Variants in SLC35F3 observed in about 807,000 individuals in gnomAD.
SLC35F3 encodes putative thiamine transporter SLC35F3.
A neutral mutation model predicts 49.9 loss-of-function variants in SLC35F3; 25 were observed. That is an observed-to-expected ratio of 0.50 (90% CI 0.37 to 0.70). The LOEUF is 0.70. SLC35F3 is among the 30% of genes least tolerant of loss of function. The pLI, the probability that SLC35F3 is intolerant of heterozygous loss-of-function variation, is 0.00. For synonymous variants in SLC35F3, 275 were observed against 265.4 expected (o/e 1.04, Z -0.35); for missense variants, 525 against 639.8 (o/e 0.82, Z 1.94).
intron 2 of SLC35F3, among the ~76,000 whole-genome samples, chr1:233,998,753 A>T (rs1263724110): frequency 6.6e-6 from 1 of 152,190 alleles, no homozygotes; most frequent in Non-Finnish European, 1.5e-5. Context: ...AAATAGCCAC[A>T]TGTGGCTTGT....
At chr1:234,032,227 A>G (rs1664074690) in intron 2 of SLC35F3, among the ~76,000 whole-genome samples, 1 of 152,054 alleles carries the variant, frequency 6.6e-6, no homozygotes, top group African/African-American at 2.4e-5. Flanking sequence ...CAGTTCATTT[A>G]TATCATTATT....
At chr1:233,963,482 T>C (rs1326777959) in intron 2 of SLC35F3, among the ~76,000 whole-genome samples, 2 of 152,026 alleles carry the variant, frequency 1.3e-5, no homozygotes, top group Non-Finnish European at 2.9e-5. Flanking sequence ...TTTGTATTTT[T>C]AGTAGAGATG....
chr1:233,993,048 T>C (rs1663390861), intron 2 of SLC35F3, among the ~76,000 whole-genome samples: 1 of 152,202 alleles, frequency 6.6e-6, no homozygotes, highest in African/African-American at 2.4e-5. Context: ...ATGCTCCCTT[T>C]GCTCTTCATG....
rs563649412 is a variant in SLC35F3 at position 234,039,961 on chromosome 1, C to T, written c.283+134203C>T. On this transcript the variant is annotated intron_variant, in intron 2 of 7. Coordinates refer to ENST00000366618, the MANE Select transcript of SLC35F3 (RefSeq NM_173508.4). ...ATCACATGGGGTGGCTGCCCTCCAC[C>T]AGTGAGGGCAAAGGACCAGTTTGAC... Among the ~76,000 whole-genome samples the T allele has an allele frequency of 4.0e-5, 6 of 151,550 alleles. No individual in the cohort carries two copies. In the East Asian group the frequency reaches 1.2e-3, roughly 29 times the overall value.
At chr1:233,938,929 G>A (rs530727482) in intron 2 of SLC35F3, among the ~76,000 whole-genome samples, 1 of 152,282 alleles carries the variant, frequency 6.6e-6, no homozygotes, top group Non-Finnish European at 1.5e-5. Context: ...GGACTAAAAA[G>A]CATCCGTTCG....
intron 2 of SLC35F3, among the ~76,000 whole-genome samples, chr1:233,947,622 A>T (rs1414619108): frequency 6.6e-6 from 1 of 150,796 alleles, no homozygotes; most frequent in African/African-American, 2.4e-5. Flanking sequence ...AATTATCTAA[A>T]AAACAGGGCT....
At chr1:233,920,572 C>A (rs532314073) in intron 2 of SLC35F3, among the ~76,000 whole-genome samples, 7 of 152,320 alleles carry the variant, frequency 4.6e-5, no homozygotes, top group Admixed American at 6.5e-5. Context: ...CCAGGTACCC[C>A]CTCTGGTGTT....
rs565744060 is a variant in SLC35F3, at chr1:233,956,680, A to G, written c.283+50922A>G. On this transcript the variant is annotated intron_variant, in intron 2 of 7. Coordinates refer to ENST00000366618, the MANE Select transcript of SLC35F3 (RefSeq NM_173508.4). ...GCCTTTTGAATGGCTGATGAAGTGT[A>G]CCTTTTCCATGGAAGGCAACTGGGC... Among the ~76,000 whole-genome samples, 24 of 152,268 alleles carry G rather than the reference A, an allele frequency of 1.6e-4. No homozygotes were observed. The South Asian group carries it at 5.0e-3, about 32-fold the overall frequency.
In SLC35F3 at chr1:234,141,168, T is replaced by C. The variant is rs138344681; in HGVS notation, c.284-90249T>C. On this transcript the variant is annotated intron_variant, in intron 2 of 7. Transcript: ENST00000366618. ...GATGGTGTCCTCCCTGGCATTTTTA[T>C]TGGGTAATATATTACCATAAGAAGG... is the stretch of plus-strand genomic sequence containing the variant. Among the ~76,000 whole-genome samples, 34 of 152,316 alleles carry C rather than the reference T, an allele frequency of 2.2e-4. No individual in the cohort carries two copies. In the East Asian group the frequency reaches 5.2e-3, roughly 23 times the overall value.
At chr1:233,973,758 A>G (rs1049556857) in intron 2 of SLC35F3, among the ~76,000 whole-genome samples, 5 of 152,258 alleles carry the variant, frequency 3.3e-5, no homozygotes, top group African/African-American at 1.2e-4. Flanking sequence ...GAGATAGAGC[A>G]GCTTAACCTT....
intron 3 of SLC35F3, among the ~76,000 whole-genome samples, chr1:234,281,026 G>T (rs1668316763): frequency 6.6e-6 from 1 of 152,134 alleles, no homozygotes; most frequent in Admixed American, 6.6e-5. Flanking sequence ...GTCAGCCAAG[G>T]GCATGCCTTC....
intron 2 of SLC35F3, among the ~76,000 whole-genome samples, chr1:234,060,612 A>G (rs1664525972): frequency 6.6e-6 from 1 of 151,920 alleles, no homozygotes; most frequent in African/African-American, 2.4e-5. Context: ...ATGCCTGGCT[A>G]ATTTTTTATG....
At chr1:234,116,417 A>C (rs911165046) in intron 2 of SLC35F3, among the ~76,000 whole-genome samples, 1 of 152,200 alleles carries the variant, frequency 6.6e-6, no homozygotes. Flanking sequence ...CCACAGGGCT[A>C]TGTTATTATC....
At chr1:234,077,582 G>T (rs1431325610) in intron 2 of SLC35F3, among the ~76,000 whole-genome samples, 1 of 152,200 alleles carries the variant, frequency 6.6e-6, no homozygotes, top group South Asian at 2.1e-4. Flanking sequence ...TACAATTCAA[G>T]ATAAGATTTG....
chr1:234,080,849 C>A (rs758521223), intron 2 of SLC35F3, among the ~76,000 whole-genome samples: 1 of 152,124 alleles, frequency 6.6e-6, no homozygotes, highest in Admixed American at 6.5e-5. Flanking sequence ...GATGAGTATA[C>A]CACATCATGA....
In SLC35F3 at chr1:234,231,731, C is replaced by G; in HGVS notation, c.598C>G (p.Gln200Glu). The change falls in exon 3 of 8, where the codon CAG becomes GAG. Residue 200 changes from glutamine (Q) to glutamate (E), a missense_variant. Transcript: ENST00000366618. This position sits in a 1 kb window ranked among gnomAD's most constrained non-coding sequence, Gnocchi z 5.4. ...CKSTEKQSVKQRYRECCRFFG... is the reference protein window; with the variant it reads ...CKSTEKQSVKERYRECCRFFG... ...GTCCACAGAGAAGCAGTCTGTGAAGCAGCGATACAGGTAGGCGCGTCCTGC... is the reference window on the plus strand; with the variant it reads ...GTCCACAGAGAAGCAGTCTGTGAAGGAGCGATACAGGTAGGCGCGTCCTGC... The G allele has an allele frequency of 6.2e-7, 1 of 1,607,780 alleles. No individual in the cohort carries two copies. Among genetic ancestry groups the G allele is most frequent in the Non-Finnish European group, 8.5e-7 (1 of 1,175,948 alleles).
At chr1:233,976,692 C>T (rs112646576) in intron 2 of SLC35F3, among the ~76,000 whole-genome samples, 33,841 of 151,878 alleles carry the variant, frequency 0.22, 5,783 homozygotes, top group African/African-American at 0.48. Flanking sequence ...CTCACTGCAA[C>T]CTCTGACTCC....
chr1:234,314,201 C>T (rs1657428746), intron 4 of SLC35F3, among the ~76,000 whole-genome samples: 1 of 152,196 alleles, frequency 6.6e-6, no homozygotes, highest in Non-Finnish European at 1.5e-5. Context: ...GGCACAGGCT[C>T]CTCTGATGTT....
intron 2 of SLC35F3, among the ~76,000 whole-genome samples, chr1:233,906,808 G>A (rs1378722189): frequency 6.6e-6 from 1 of 152,156 alleles, no homozygotes; most frequent in Non-Finnish European, 1.5e-5. Context: ...CGAGTCCAAG[G>A]CAAAGGTCAG....
Sources: gnomAD v4.1 joint callset for allele counts (sites outside exome capture counted in the v4.1 genomes callset) on GRCh38, gnomAD v4.1.1 for gene constraint, Gnocchi (gnomAD v3.1) non-coding constraint, MANE v1.5 for transcripts, NCBI Gene and HGNC (gene_info 2026-07-23, HGNC 2026-07-21) for gene names.